Variants in TENM3 observed in about 807,000 individuals in gnomAD.
The protein encoded by TENM3 is teneurin-3.
TENM3 carries 63 observed loss-of-function variants against 255.1 expected under a neutral mutation model. That is an observed-to-expected ratio of 0.25 (90% CI 0.20 to 0.30). The LOEUF is 0.30. TENM3 is among the 10% of genes least tolerant of loss of function. The probability of loss-of-function intolerance (pLI) is 1.00; values close to 1 mark genes in which losing one functional copy is unlikely to be tolerated. For missense variants in TENM3, 2,929 were observed against 3,461.1 expected (o/e 0.85, Z 3.86); for synonymous variants, 1,306 against 1,322.3 (o/e 0.99, Z 0.27).
At chr4:181,675,011 A>G in the TENM3 span, among the ~76,000 whole-genome samples, 1 of 152,136 alleles carries the variant, frequency 6.6e-6, no homozygotes, top group South Asian at 2.1e-4. Context: ...AAGGTCCTCA[A>G]GTAAAATCTA....
the TENM3 span, among the ~76,000 whole-genome samples, chr4:182,077,420 A>T: frequency 6.6e-6 from 1 of 152,204 alleles, no homozygotes; most frequent in Non-Finnish European, 1.5e-5. Flanking sequence ...AAAAATAAGC[A>T]AAATGGAAAT....
the TENM3 span, among the ~76,000 whole-genome samples, chr4:181,826,707 C>T: frequency 6.6e-6 from 1 of 152,264 alleles, no homozygotes; most frequent in East Asian, 1.9e-4. Flanking sequence ...ATTAGAATCA[C>T]CCAGGGAGTT....
intron 3 of TENM3, 48 bp downstream of exon 3, chr4:182,346,977 C>G (rs1764862159): frequency 7.2e-7 from 1 of 1,388,634 alleles, no homozygotes; most frequent in African/African-American, 1.7e-5. Flanking sequence ...GTGCTTCTGT[C>G]TGTTTTGGTT....
chr4:181,897,016 T>C, the TENM3 span, among the ~76,000 whole-genome samples: 1 of 152,162 alleles, frequency 6.6e-6, no homozygotes, highest in African/African-American at 2.4e-5. Context: ...TTGTTGTCCA[T>C]CCTAGCCCTG....
At chr4:181,689,912 A>T in the TENM3 span, among the ~76,000 whole-genome samples, 1 of 152,146 alleles carries the variant, frequency 6.6e-6, no homozygotes, top group African/African-American at 2.4e-5. Flanking sequence ...TTAAGTATAT[A>T]CACGTAAAAA....
intron 3 of TENM3, among the ~76,000 whole-genome samples, chr4:182,510,607 T>A (rs1356807501): frequency 6.6e-6 from 1 of 152,204 alleles, no homozygotes; most frequent in Non-Finnish European, 1.5e-5. Context: ...TTACAATCAA[T>A]GACATTTCCC....
the TENM3 span, among the ~76,000 whole-genome samples, chr4:181,891,405 A>G: frequency 6.6e-6 from 1 of 152,120 alleles, no homozygotes; most frequent in Non-Finnish European, 1.5e-5. Context: ...GGTCTTTCCT[A>G]CCACTCAGCA....
the TENM3 span, among the ~76,000 whole-genome samples, chr4:181,682,521 A>T: frequency 1.3e-5 from 2 of 152,140 alleles, no homozygotes; most frequent in African/African-American, 4.8e-5. Context: ...GGCCTCTTTT[A>T]TTTAAAATAA....
intron 12 of TENM3, among the ~76,000 whole-genome samples, chr4:182,689,183 G>A (rs1267983840): frequency 6.6e-6 from 1 of 152,084 alleles, no homozygotes; most frequent in Non-Finnish European, 1.5e-5. Flanking sequence ...AATTATAAGT[G>A]GCACGGTCCT....
intron 3 of TENM3, among the ~76,000 whole-genome samples, chr4:182,359,800 T>C (rs932932750): frequency 2.4e-4 from 37 of 152,236 alleles, no homozygotes; most frequent in African/African-American, 8.9e-4. Flanking sequence ...CTAGTTCTTT[T>C]AATTGTGATG....
At chr4:181,965,106 G>A in the TENM3 span, among the ~76,000 whole-genome samples, 2 of 152,144 alleles carry the variant, frequency 1.3e-5, no homozygotes, top group African/African-American at 2.4e-5. Context: ...GTTTGCTGTT[G>A]TAAAGTTTAA....
intron 1 of TENM3, among the ~76,000 whole-genome samples, chr4:182,222,494 A>T (rs1469271828): frequency 6.6e-6 from 1 of 152,122 alleles, no homozygotes; most frequent in Non-Finnish European, 1.5e-5. Context: ...TCCTTTTTCC[A>T]GGCTTATCTG....
intron 3 of TENM3, among the ~76,000 whole-genome samples, chr4:182,402,067 G>A (rs56079267): frequency 0.08 from 12,188 of 152,200 alleles, 670 homozygotes; most frequent in Middle Eastern, 0.14. Context: ...GCAGACCCAC[G>A]TGGCAGCGTG....
chr4:182,325,149 T>C (rs1162602608), intron 2 of TENM3, among the ~76,000 whole-genome samples: 8 of 152,304 alleles, frequency 5.3e-5, no homozygotes, highest in African/African-American at 1.9e-4. Flanking sequence ...AATCTGGAAA[T>C]GAGAAAAAAT....
At chr4:182,540,247 A>G (rs1182252462) in intron 3 of TENM3, among the ~76,000 whole-genome samples, 1 of 152,336 alleles carries the variant, frequency 6.6e-6, no homozygotes, top group South Asian at 2.1e-4. Context: ...AAGATGTTGT[A>G]TAGAAAAACA....
intron 22 of TENM3, among the ~76,000 whole-genome samples, chr4:182,769,571 C>T (rs1348898939): frequency 6.7e-6 from 1 of 149,260 alleles, no homozygotes; most frequent in Non-Finnish European, 1.5e-5. Flanking sequence ...ATCACGAGGT[C>T]AGGAGTTTGA....
At chr4:181,498,985 CA>C in the TENM3 span, among the ~76,000 whole-genome samples, 323 of 152,232 alleles carry the variant, frequency 2.1e-3, 1 homozygote, top group African/African-American at 7.5e-3. Context: ...TACAGTTGTT[CA>C]AAAAATAACT....
chr4:182,774,442 C>T (rs997273540), intron 23 of TENM3, among the ~76,000 whole-genome samples: 5 of 152,076 alleles, frequency 3.3e-5, no homozygotes, highest in South Asian at 2.1e-4. Context: ...AAGTCAATTT[C>T]GGAGGGAACA....
chr4:181,484,492 A>G, the TENM3 span, among the ~76,000 whole-genome samples: 3 of 152,136 alleles, frequency 2.0e-5, no homozygotes, highest in African/African-American at 7.2e-5. Context: ...GTAATTTACA[A>G]TATTTACATG....
Sources: gnomAD v4.1 joint callset for allele counts (sites outside exome capture counted in the v4.1 genomes callset) on GRCh38, gnomAD v4.1.1 for gene constraint, MANE v1.5 for transcripts, NCBI Gene and HGNC (gene_info 2026-07-23, HGNC 2026-07-21) for gene names.